VCL: variants seen among roughly 807,000 people sequenced by gnomAD.
VCL encodes the protein epididymis luminal protein 114.
In VCL, 47 loss-of-function variants were observed where a neutral mutation model predicts 125.7. That is an observed-to-expected ratio of 0.37 (90% CI 0.30 to 0.48). The LOEUF (loss-of-function observed/expected upper bound fraction) is 0.48, where lower values mean the gene tolerates loss of function less well. Ranked by LOEUF, VCL falls within the 20% of genes least tolerant of loss-of-function variation. VCL has a pLI of 0.99. For synonymous variants in VCL, 458 were observed against 514.6 expected, an observed-to-expected ratio of 0.89 and a Z score of 1.49; for missense variants, 1,069 against 1,455.5, an observed-to-expected ratio of 0.73 and a Z score of 4.32.
chr10:74,082,246 A>G (rs932212337), intron 6 of VCL, among the ~76,000 whole-genome samples: 3 of 152,252 alleles, frequency 2.0e-5, no homozygotes, highest in Non-Finnish European at 4.4e-5. Context: ...GTTTAGCAAC[A>G]GAGTAGAATT....
intron 8 of VCL, among the ~76,000 whole-genome samples, chr10:74,087,508 G>A (rs1383721732): frequency 7.3e-6 from 1 of 137,098 alleles, no homozygotes. Context: ...CACCACGCCT[G>A]GCTAATTTTT....
rs1840154835 is a variant in VCL, at chr10:74,107,524, ATAACC to A, written c.2559+173_2559+177del. On this transcript the variant is annotated intron_variant, in intron 17 of 21. Transcript: ENST00000211998. Reference sequence around the variant, plus strand: ...TTTCATTCCTAAATCCAGTGGAGTTATAACCTAGTGCTTATATGCATGGGTTGTGT... The same window carrying A: ...TTTCATTCCTAAATCCAGTGGAGTTATAGTGCTTATATGCATGGGTTGTGT... Among the ~76,000 whole-genome samples the A allele has an allele frequency of 2.0e-5, 3 of 152,126 alleles. No homozygotes were observed. In the South Asian group the frequency reaches 6.2e-4, roughly 31 times the overall value.
intron 10 of VCL, among the ~76,000 whole-genome samples, chr10:74,091,810 A>AAAAAAG (rs1839891334): frequency 6.9e-6 from 1 of 145,296 alleles, no homozygotes; most frequent in African/African-American, 2.7e-5. Context: ...AAAAAAAAAA[A>AAAAAAG]AAAAGAAAAG....
At chr10:74,053,916 G>C (rs1003215512) in intron 2 of VCL, among the ~76,000 whole-genome samples, 1 of 152,066 alleles carries the variant, frequency 6.6e-6, no homozygotes, top group African/African-American at 2.4e-5. Context: ...TTTTAAATTA[G>C]AGAATTTAAA....
intron 6 of VCL, chr10:74,077,865 A>G: frequency 3.5e-6 from 1 of 284,012 alleles, no homozygotes; most frequent in Non-Finnish European, 7.1e-6. Context: ...TTGCACATTT[A>G]CAAATTTAAA....
chr10:74,057,670 C>T (rs1422728675), intron 2 of VCL, among the ~76,000 whole-genome samples: 2 of 152,016 alleles, frequency 1.3e-5, no homozygotes, highest in Non-Finnish European at 2.9e-5. Context: ...TGGTGGCTCA[C>T]GTTGTAATCC....
intron 2 of VCL, among the ~76,000 whole-genome samples, chr10:74,052,778 T>G (rs1399291142): frequency 6.6e-6 from 1 of 151,904 alleles, no homozygotes; most frequent in African/African-American, 2.4e-5. Context: ...TGATTACTTG[T>G]TTTTATTTAA....
rs372750308 is a variant in VCL at position 74,119,920 on chromosome 10, C to T, written c.*1751C>T. 273 of 152,094 alleles carry T rather than the reference C, an allele frequency of 1.8e-3. 4 individuals carry two copies. The highest frequency in any genetic ancestry group is 6.2e-3 in the African/African-American group (258 of 41,352). The allele number at this position is 152,094 out of a possible 1,614,324, so 9.4% of individuals were successfully genotyped here. On this transcript the variant is annotated 3_prime_UTR_variant, in exon 22 of 22. Transcript: ENST00000211998. ...ATAAGAAAAATCATGTTTGCTCTCC[C>T]GGTTCTTCCAGTGGTTTGAGACACT...
At chr10:74,027,104 C>T (rs11000857) in intron 1 of VCL, among the ~76,000 whole-genome samples, 51,339 of 151,956 alleles carry the variant, frequency 0.34, 10,528 homozygotes, top group Non-Finnish European at 0.47. Flanking sequence ...ATTTTAAATT[C>T]TGTGGAATGA....
intron 7 of VCL, among the ~76,000 whole-genome samples, 182 bp downstream of exon 7, chr10:74,082,726 G>T (rs1283371204): frequency 2.0e-5 from 3 of 152,202 alleles, no homozygotes; most frequent in South Asian, 2.1e-4. Context: ...CAAGGATGAA[G>T]GGAATAGATT....
intron 15 of VCL, 153 bp from the exon 16 acceptor site, chr10:74,104,898 C>T: frequency 1.2e-6 from 1 of 862,314 alleles, no homozygotes; most frequent in Non-Finnish European, 1.8e-6. Context: ...GTGGTGTTTA[C>T]CTGGAAGCTT....
intron 10 of VCL, 126 bp downstream of exon 10, chr10:74,090,324 C>G: frequency 9.9e-7 from 1 of 1,013,556 alleles, no homozygotes. Context: ...GTTAAATGCA[C>G]TTATGATGCT....
At chr10:74,011,007 T>A (rs1047799026) in intron 1 of VCL, among the ~76,000 whole-genome samples, 1 of 151,316 alleles carries the variant, frequency 6.6e-6, no homozygotes, top group Non-Finnish European at 1.5e-5. Flanking sequence ...CCATCTCTAC[T>A]AAAAATTCAA....
chr10:74,085,562 C>T (rs1325907503), intron 8 of VCL, among the ~76,000 whole-genome samples: 2 of 152,088 alleles, frequency 1.3e-5, no homozygotes, highest in Admixed American at 6.5e-5. Flanking sequence ...ACTAAATAAA[C>T]ATAGTTTGCT....
chr10:74,080,728 T>A (rs1839662029), intron 6 of VCL, among the ~76,000 whole-genome samples: 1 of 152,220 alleles, frequency 6.6e-6, no homozygotes, highest in African/African-American at 2.4e-5. Context: ...CTCCAGGATG[T>A]CCACACACTT....
intron 18 of VCL, among the ~76,000 whole-genome samples, chr10:74,109,991 T>C (rs1432836249): frequency 6.6e-6 from 1 of 152,248 alleles, no homozygotes; most frequent in African/African-American, 2.4e-5. Context: ...CTTGTGTCGA[T>C]TGTATTTCCT....
chr10:74,018,347 C>T (rs1287610137), intron 1 of VCL, among the ~76,000 whole-genome samples: 2 of 151,660 alleles, frequency 1.3e-5, no homozygotes, highest in African/African-American at 4.8e-5. Flanking sequence ...TGTAAGCCAC[C>T]GTGCCCAGCT....
intron 2 of VCL, 125 bp downstream of exon 2, chr10:74,043,278 C>T: frequency 4.8e-6 from 4 of 826,878 alleles, no homozygotes; most frequent in South Asian, 1.6e-5. Context: ...GAAATTTCAA[C>T]TTTTTTGTCT....
chr10:74,044,236 A>T (rs1027395518), intron 2 of VCL, among the ~76,000 whole-genome samples: 4 of 152,194 alleles, frequency 2.6e-5, no homozygotes, highest in African/African-American at 9.7e-5. Flanking sequence ...AAACAAGCAG[A>T]CATACTAATT....
Sources: gnomAD v4.1 joint callset for allele counts (sites outside exome capture counted in the v4.1 genomes callset) on GRCh38, gnomAD v4.1.1 for gene constraint, MANE v1.5 for transcripts, NCBI Gene and HGNC (gene_info 2026-07-23, HGNC 2026-07-21) for gene names.